Variants in DCX observed in about 807,000 individuals in gnomAD.
DCX encodes the protein doublecortin.
Under a neutral mutation model 20.9 loss-of-function variants are expected in DCX, and 4 were observed. The ratio of observed to expected loss-of-function variants is 0.19; its 90% CI spans 0.09 to 0.44. The LOEUF (loss-of-function observed/expected upper bound fraction) is 0.44. Among genes scored for constraint, DCX ranks in the 20% least tolerant of loss-of-function variants. DCX has a pLI of 0.99. For synonymous variants in DCX, 103 were observed against 111.4 expected (o/e 0.92, Z 0.47); for missense variants, 133 against 296.9 (o/e 0.45, Z 4.06).
intron 3 of DCX, among the ~76,000 whole-genome samples, chrX:111,334,542 C>A (rs1921546866): frequency 8.9e-6 from 1 of 112,362 alleles, no homozygotes; most frequent in South Asian, 3.7e-4. Flanking sequence ...TTTACCCTCA[C>A]AAGAAACTCT....
intron 3 of DCX, among the ~76,000 whole-genome samples, chrX:111,347,823 G>A (rs1569491358): frequency 9.0e-6 from 1 of 111,325 alleles, no homozygotes; most frequent in Non-Finnish European, 1.9e-5. Flanking sequence ...GATCTTCTTA[G>A]CCCCATAGCC....
rs147686995 is a variant in DCX, at chrX:111,411,511, C to A, written c.-23+627G>T. ...CTTTGCTTTTCTCCCTTCTGTTGAA[C>A]CCCCTCCCCCACCAAGAACCCCAAA... On this transcript the variant is annotated intron_variant, in intron 1 of 6. Transcript: ENST00000636035. 4.6e-3 allele frequency: 523 copies of A among 113,209 alleles called. 3 individuals carry two copies. The highest frequency in any genetic ancestry group is 9.3e-3 in the Middle Eastern group (2 of 215). 9.3% of individuals were successfully genotyped at this position (113,209 alleles called of 1,213,427 possible).
At chrX:111,317,188 A>G (rs757113440) in intron 5 of DCX, among the ~76,000 whole-genome samples, 1 of 112,192 alleles carries the variant, frequency 8.9e-6, no homozygotes, top group East Asian at 2.8e-4. Context: ...CCATAGGGCT[A>G]CAGTAACCAA....
Position 111,301,376 on chromosome X carries a change from G to A in DCX, c.*311C>T. 1 of 337,516 alleles carries A rather than the reference G, an allele frequency of 3.0e-6. No individual in the cohort carries two copies. The highest frequency in any genetic ancestry group is 4.7e-5 in the South Asian group (1 of 21,388). 27.8% of individuals were successfully genotyped at this position (337,516 alleles called of 1,213,427 possible). A position where few individuals can be genotyped will look rare whatever the true frequency, so the allele number is the denominator to read the frequency against. ...GACTGTATGGGCAAAATTAGACAGG[G>A]CAAATATAACGCAGGCACCTAAGCT... On this transcript the variant is annotated 3_prime_UTR_variant, in exon 7 of 7. Transcript: ENST00000636035.
intron 5 of DCX, among the ~76,000 whole-genome samples, chrX:111,323,218 G>A (rs2095090882): frequency 8.9e-6 from 1 of 112,127 alleles, no homozygotes; most frequent in South Asian, 3.7e-4. Flanking sequence ...ATCAGTCAAA[G>A]TTTTAAATCC....
intron 3 of DCX, among the ~76,000 whole-genome samples, chrX:111,344,196 T>G (rs1370490577): frequency 8.9e-6 from 1 of 112,249 alleles, no homozygotes; most frequent in Non-Finnish European, 1.9e-5. Flanking sequence ...CATTCCTTCA[T>G]GTTAAAATCT....
intron 3 of DCX, among the ~76,000 whole-genome samples, chrX:111,372,970 C>T (rs903220130): frequency 9.0e-6 from 1 of 110,721 alleles, no homozygotes; most frequent in Non-Finnish European, 1.9e-5. Flanking sequence ...ATATCGCTGG[C>T]AATTTAGCTA....
chrX:111,385,789 GAA>G (rs1569495777), intron 3 of DCX, among the ~76,000 whole-genome samples: 1 of 41,500 alleles, frequency 2.4e-5, no homozygotes, highest in Non-Finnish European at 4.4e-5. Flanking sequence ...GGGAGGGAAG[GAA>G]GGAAGGAAGG....
chrX:111,316,102 A>T lies in DCX; in HGVS notation c.947-3366T>A, dbSNP rs1276120358. 9.4e-5 allele frequency among the ~76,000 whole-genome samples: 10 copies of T among 106,369 alleles called. 1 individual carries two copies. The highest frequency in any genetic ancestry group is 2.9e-4 in the East Asian group (1 of 3,413). 92.4% of individuals were successfully genotyped at this position (106,369 alleles called of 115,157 possible). A position where few individuals can be genotyped will look rare whatever the true frequency, so the allele number is the denominator to read the frequency against. ...AATAAAAAATAAAAAAAAAAAAAAA[A>T]AAAAAAAATGTTAAGGGTCATCTAC... On this transcript the variant is annotated intron_variant, in intron 5 of 6. Coordinates refer to ENST00000636035, the MANE Select transcript of DCX (RefSeq NM_001195553.2).
intron 2 of DCX, among the ~76,000 whole-genome samples, chrX:111,404,511 AC>A (rs1351498917): frequency 8.4e-4 from 94 of 112,234 alleles, no homozygotes; most frequent in African/African-American, 3.0e-3. Flanking sequence ...TAGGAGTCAC[AC>A]AGACCTGGAT....
At chrX:111,398,186 C>A (rs185749170) in intron 3 of DCX, among the ~76,000 whole-genome samples, 185 of 109,659 alleles carry the variant, frequency 1.7e-3, no homozygotes, top group African/African-American at 5.6e-3. Flanking sequence ...TTTGGAGGCC[C>A]CCTATCTCTT....
chrX:111,373,115 T>A (rs780056469), intron 3 of DCX, among the ~76,000 whole-genome samples: 2 of 111,697 alleles, frequency 1.8e-5, no homozygotes, highest in South Asian at 7.5e-4. Context: ...GTTAGGGAAG[T>A]CAATGTTCCA....
At chrX:111,332,224 G>A (rs1172940387) in intron 4 of DCX, among the ~76,000 whole-genome samples, 1 of 112,199 alleles carries the variant, frequency 8.9e-6, no homozygotes, top group Non-Finnish European at 1.9e-5. Flanking sequence ...AGATACAGAA[G>A]GTATAGGAAA....
chrX:111,339,207 G>GTTCCAAGGC (rs997222575), intron 3 of DCX, among the ~76,000 whole-genome samples: 5 of 111,458 alleles, frequency 4.5e-5, no homozygotes, highest in African/African-American at 1.6e-4. Context: ...ATCATATCCA[G>GTTCCAAGGC]TTCCAAGGCT....
intron 3 of DCX, among the ~76,000 whole-genome samples, chrX:111,338,500 C>T (rs150689471): frequency 0.013 from 1,502 of 111,485 alleles, 12 homozygotes; most frequent in Middle Eastern, 0.047. Context: ...TTCCCACCTA[C>T]CAGCCCTGGA....
chrX:111,331,563 G>A (rs1262146507), intron 4 of DCX, among the ~76,000 whole-genome samples: 2 of 111,774 alleles, frequency 1.8e-5, no homozygotes, highest in Admixed American at 1.9e-4. Flanking sequence ...CCACCATCTT[G>A]CATTTATCAA....
At chrX:111,375,492 T>C (rs760662514) in intron 3 of DCX, among the ~76,000 whole-genome samples, 63 of 111,623 alleles carry the variant, frequency 5.6e-4, no homozygotes, top group Non-Finnish European at 1.0e-3. Context: ...GGCAGCATGC[T>C]TGGGTCTCTT....
At chrX:111,313,599 C>T (rs753136389) in intron 5 of DCX, among the ~76,000 whole-genome samples, 1 of 111,994 alleles carries the variant, frequency 8.9e-6, no homozygotes, top group Non-Finnish European at 1.9e-5. Flanking sequence ...CAAGAAAATG[C>T]TGAAAATCAG....
chrX:111,407,383 T>G (rs914217468), intron 2 of DCX, among the ~76,000 whole-genome samples: 2 of 111,962 alleles, frequency 1.8e-5, no homozygotes, highest in Non-Finnish European at 3.8e-5. Context: ...TTCTAAAATA[T>G]AAAATAGGAG....
Sources: allele counts gnomAD v4.1 joint callset (sites outside exome capture counted in the v4.1 genomes callset), GRCh38; gene constraint gnomAD v4.1.1; transcripts MANE v1.5; gene names NCBI Gene and HGNC (gene_info 2026-07-23, HGNC 2026-07-21).